Variants in OPA3 observed in about 807,000 individuals in gnomAD.
The protein encoded by OPA3 is outer mitochondrial membrane lipid metabolism regulator OPA3, also known as optic atrophy 3 protein.
In OPA3, 6 loss-of-function variants were observed where a neutral mutation model predicts 4.0. That is an observed-to-expected ratio of 1.51 (90% confidence interval 0.83 to 2.99). The LOEUF is 2.99. OPA3 is among the 30% of genes most tolerant of loss of function. The pLI, the probability that OPA3 is intolerant of heterozygous loss-of-function variation, is 0.00. For missense variants in OPA3, 235 were observed against 256.2 expected (o/e 0.92, Z 0.56); for synonymous variants, 105 against 117.1 (o/e 0.90, Z 0.67).
At chr19:45,545,177 AAC>A (rs1568398906), downstream of OPA3, among the ~76,000 whole-genome samples, 2 of 144,400 alleles carry the variant, frequency 1.4e-5, 1 homozygote, top group Non-Finnish European at 3.1e-5. Flanking sequence ...AAAAAAAAAA[AAC>A]AAAAAAACAA....
intron 1 of OPA3, among the ~76,000 whole-genome samples, chr19:45,573,661 C>T (rs528867316): frequency 8.5e-5 from 13 of 152,124 alleles, no homozygotes; most frequent in Middle Eastern, 3.4e-3. Flanking sequence ...CAGCCTGGTT[C>T]GAGGCCGCGC....
In OPA3 at chr19:45,547,258, T is replaced by G. The variant is rs942167875; in HGVS notation, c.*6256A>C. On this transcript the variant is annotated 3_prime_UTR_variant, in exon 2 of 2. Coordinates refer to ENST00000263275, the MANE Select transcript of OPA3 (RefSeq NM_025136.4). ...TCACCTAACTTCTCCCCTCGCTTAC[T>G]CTATTCCAGGGGATGGTAAACTTTT... 2 of 152,220 alleles carry G rather than the reference T, an allele frequency of 1.3e-5. No homozygotes were observed. Among genetic ancestry groups the G allele is most frequent in the Non-Finnish European group, 2.9e-5 (2 of 68,076 alleles). 9.4% of individuals were successfully genotyped at this position (152,220 alleles called of 1,614,324 possible).
At chr19:45,545,113 C>T (rs894291962), downstream of OPA3, among the ~76,000 whole-genome samples, 6 of 139,232 alleles carry the variant, frequency 4.3e-5, no homozygotes, top group Admixed American at 8.3e-5. Context: ...TGTAGGGAGC[C>T]GAAATGGCGC....
rs1391146147 is a variant in OPA3, at chr19:45,546,486, T to G, written c.*7028A>C. ...TTGTATAAATATGCACACGATGGATTACATAAACTCTGCTTTTTTTTTTTT... is the reference window on the plus strand; with the variant it reads ...TTGTATAAATATGCACACGATGGATGACATAAACTCTGCTTTTTTTTTTTT... On this transcript the variant is annotated 3_prime_UTR_variant, in exon 2 of 2. Coordinates refer to ENST00000263275, the MANE Select transcript of OPA3 (RefSeq NM_025136.4). The G allele has an allele frequency of 8.2e-6, 5 of 611,838 alleles. No individual in the cohort carries two copies. In the East Asian group the frequency reaches 7.2e-4, roughly 88 times the overall value. 37.9% of individuals were successfully genotyped at this position (611,838 alleles called of 1,614,324 possible). A position where few individuals can be genotyped will look rare whatever the true frequency, so the allele number is the denominator to read the frequency against.
At chr19:45,543,442 C>T (rs949439030), downstream of OPA3, among the ~76,000 whole-genome samples, 6 of 151,568 alleles carry the variant, frequency 4.0e-5, no homozygotes, top group Non-Finnish European at 7.4e-5. Context: ...TGCCTCAGCC[C>T]CCGGAGTACC....
intron 1 of OPA3, among the ~76,000 whole-genome samples, chr19:45,572,827 C>A (rs139137940): frequency 5.0e-4 from 69 of 138,596 alleles, no homozygotes; most frequent in Middle Eastern, 8.1e-3. Flanking sequence ...ATATATATCT[C>A]GATATATATC....
At chr19:45,577,989 C>T (rs192798687) in intron 1 of OPA3, among the ~76,000 whole-genome samples, 77 of 151,680 alleles carry the variant, frequency 5.1e-4, no homozygotes, top group Admixed American at 1.7e-3. Flanking sequence ...TGGTGGCTCA[C>T]GCCTGTAATC....
chr19:45,552,528 T>G lies in OPA3; in HGVS notation c.*986A>C, dbSNP rs1432231163. 3 of 20,400 alleles carry G rather than the reference T, an allele frequency of 1.5e-4. No homozygotes were observed. The highest frequency in any genetic ancestry group is 3.6e-4 in the African/African-American group (3 of 8,290). 1.3% of individuals were successfully genotyped at this position (20,400 alleles called of 1,614,324 possible). A position where few individuals can be genotyped will look rare whatever the true frequency, so the allele number is the denominator to read the frequency against. On this transcript the variant is annotated 3_prime_UTR_variant, in exon 2 of 2. Transcript: ENST00000263275. The stretch of plus-strand genomic sequence containing the variant: ...TGTGAGCCACCGTGCCCAGCCAGGA[T>G]TTTTTTTTTTTTTTTGAGACACAGT...
chr19:45,572,476 AATC>A (rs1484826503), intron 1 of OPA3, among the ~76,000 whole-genome samples: 13 of 133,756 alleles, frequency 9.7e-5, no homozygotes, highest in African/African-American at 1.9e-4. Context: ...ATCATATAAT[AATC>A]ATATATATCG....
intron 1 of OPA3, among the ~76,000 whole-genome samples, chr19:45,571,507 C>A (rs1422693943): frequency 1.3e-5 from 2 of 152,096 alleles, no homozygotes; most frequent in African/African-American, 4.8e-5. Context: ...AGGGAAGGAA[C>A]CTCAGAAGTG....
Position 45,584,747 on chromosome 19 carries a change from G to GA in OPA3, c.17dup (p.Met8TyrfsTer21). On this transcript the variant is annotated frameshift_variant, in exon 1 of 2. Coordinates refer to ENST00000263275, the MANE Select transcript of OPA3 (RefSeq NM_025136.4). LOFTEE classifies it high-confidence loss of function. ...CCAAGTATAGCAGCTTCGCCATAGG[G>GA]AACGCGCCCACCACCATCTTGGCGG... 2 of 1,614,034 alleles carry GA rather than the reference G, an allele frequency of 1.2e-6. No individual in the cohort carries two copies. The highest frequency in any genetic ancestry group is 8.5e-7 in the Non-Finnish European group (1 of 1,180,036).
intron 1 of OPA3, among the ~76,000 whole-genome samples, chr19:45,559,111 T>A (rs1390476732): frequency 6.6e-6 from 1 of 152,172 alleles, no homozygotes; most frequent in African/African-American, 2.4e-5. Flanking sequence ...CTCAAACTCC[T>A]GACCTCAAGT....
intron 1 of OPA3, among the ~76,000 whole-genome samples, chr19:45,568,501 A>G (rs993157038): frequency 2.0e-5 from 3 of 152,052 alleles, no homozygotes; most frequent in African/African-American, 7.2e-5. Flanking sequence ...CAATCCAGCC[A>G]GTTTTAAGCT....
chr19:45,574,412 A>G (rs1969737119), intron 1 of OPA3, among the ~76,000 whole-genome samples: 1 of 151,522 alleles, frequency 6.6e-6, no homozygotes, highest in South Asian at 2.1e-4. Context: ...AAAAAAAAAA[A>G]AAGAAAAAAA....
intron 1 of OPA3, among the ~76,000 whole-genome samples, chr19:45,572,781 CTATATATA>C (rs1969704675): frequency 1.1e-5 from 1 of 89,970 alleles, no homozygotes; most frequent in Non-Finnish European, 2.7e-5. Flanking sequence ...ATATATCATA[CTATATATA>C]GATATATATA....
chr19:45,545,009 A>G (rs143356508), downstream of OPA3, among the ~76,000 whole-genome samples: 8,332 of 141,782 alleles, frequency 0.059, 341 homozygotes, highest in South Asian at 0.17. Flanking sequence ...AAAACAAAAA[A>G]CAAAAATTAG....
chr19:45,555,807 T>A (rs111675000), intron 1 of OPA3, among the ~76,000 whole-genome samples: 17 of 152,194 alleles, frequency 1.1e-4, no homozygotes, highest in African/African-American at 2.6e-4. Context: ...GTATTTTTTT[T>A]AAAATAGAGA....
At chr19:45,554,003 T>A in intron 1 of OPA3, 92 bp from the exon 2 acceptor site, 1 of 1,050,608 alleles carries the variant, frequency 9.5e-7, no homozygotes, top group Non-Finnish European at 1.4e-6. Flanking sequence ...CTAGCCTGGG[T>A]AACCCAGGGG....
At chr19:45,562,957 T>C (rs1969527375) in intron 1 of OPA3, among the ~76,000 whole-genome samples, 2 of 152,098 alleles carry the variant, frequency 1.3e-5, no homozygotes, top group African/African-American at 4.8e-5. Flanking sequence ...TAGTTCAAAG[T>C]AGAAAAATGA....
Sources: gnomAD v4.1 joint callset for allele counts (sites outside exome capture counted in the v4.1 genomes callset) on GRCh38, gnomAD v4.1.1 for gene constraint, MANE v1.5 for transcripts, NCBI Gene and HGNC (gene_info 2026-07-23, HGNC 2026-07-21) for gene names.